Variants in RPS6KC1 observed in about 807,000 individuals in gnomAD.
RPS6KC1 encodes ribosomal protein S6 kinase C1.
RPS6KC1 carries 54 observed loss-of-function variants against 103.8 expected under a neutral mutation model. The ratio of observed to expected loss-of-function variants is 0.52; its 90% CI spans 0.42 to 0.65. The LOEUF (loss-of-function observed/expected upper bound fraction) is 0.65, where lower values mean the gene tolerates loss of function less well. RPS6KC1 is among the 30% of genes least tolerant of loss of function. The pLI, the probability that RPS6KC1 is intolerant of heterozygous loss-of-function variation, is 0.00. For synonymous variants in RPS6KC1, 439 were observed against 438.7 expected, an observed-to-expected ratio of 1.00 and a Z score of -0.01; for missense variants, 1,151 against 1,253.8, an observed-to-expected ratio of 0.92 and a Z score of 1.24.
At chr1:213,523,164 A>AAGGG in the RPS6KC1 span, among the ~76,000 whole-genome samples, 6 of 152,190 alleles carry the variant, frequency 3.9e-5, no homozygotes, top group Non-Finnish European at 8.8e-5. Context: ...GTCCCAAGGA[A>AAGGG]AGGGAGAGAG....
the RPS6KC1 span, among the ~76,000 whole-genome samples, chr1:213,537,653 A>T: frequency 7.2e-5 from 11 of 152,196 alleles, no homozygotes; most frequent in African/African-American, 2.6e-4. Context: ...TTGATATTGT[A>T]GAAGTCATCA....
the RPS6KC1 span, among the ~76,000 whole-genome samples, chr1:213,590,836 C>A: frequency 6.6e-6 from 1 of 152,164 alleles, no homozygotes; most frequent in Non-Finnish European, 1.5e-5. Context: ...AGTGTCCACA[C>A]AGTCTACTCC....
chr1:213,582,088 CTTT>C, the RPS6KC1 span, among the ~76,000 whole-genome samples: 1 of 139,316 alleles, frequency 7.2e-6, no homozygotes. Flanking sequence ...GATCAGGGAC[CTTT>C]TTTTTTTTTT....
At position 213,241,686 on chromosome 1, in the gene RPS6KC1, G is replaced by T. The variant is rs774716131; in HGVS notation, c.2210G>T (p.Ser737Ile). The T allele has an allele frequency of 6.2e-7, 1 of 1,613,898 alleles. No individual in the cohort carries two copies. Among genetic ancestry groups the T allele is most frequent in the Admixed American group, 1.7e-5 (1 of 59,920 alleles). Residue 737 changes from serine to isoleucine, a missense_variant, in exon 11 of 15, where the codon AGT (serine) becomes ATT (isoleucine). Physicochemically the swap from Ser to Ile is moderately radical, Grantham distance 142. Around this residue, in one of 3 missense-constraint regions of RPS6KC1, gnomAD observed 959 missense variants for 1,006.3 expected, o/e 0.95. Coordinates refer to ENST00000366960, the MANE Select transcript of RPS6KC1 (RefSeq NM_012424.6). ...CCTGATGTTTTATGCCTCAGGCTTA[G>T]TACTGAACAATGCCAAGCACATGAG... ...EAPDVLCLRL[S>I]TEQCQAHEEK...
At chr1:213,399,667 G>A in the RPS6KC1 span, among the ~76,000 whole-genome samples, 2 of 151,912 alleles carry the variant, frequency 1.3e-5, no homozygotes, top group Non-Finnish European at 1.5e-5. Context: ...CTCCTCCCCC[G>A]CACCAGACCA....
the RPS6KC1 span, among the ~76,000 whole-genome samples, chr1:213,602,136 T>C: frequency 4.1e-5 from 3 of 73,458 alleles, no homozygotes; most frequent in Non-Finnish European, 7.8e-5. Context: ...CTTTCTTTCT[T>C]TCTTTCTTTC....
At chr1:213,190,480 G>A (rs2092707923) in intron 8 of RPS6KC1, among the ~76,000 whole-genome samples, 2 of 151,990 alleles carry the variant, frequency 1.3e-5, no homozygotes, top group South Asian at 4.1e-4. Flanking sequence ...CACATCCTTT[G>A]TCCATGTTTT....
the RPS6KC1 span, among the ~76,000 whole-genome samples, chr1:213,715,747 T>C: frequency 1.3e-5 from 2 of 152,222 alleles, no homozygotes; most frequent in African/African-American, 4.8e-5. Flanking sequence ...GTTTTCATCA[T>C]TATTGGCATT....
At chr1:213,186,934 G>A (rs767191967) in intron 8 of RPS6KC1, among the ~76,000 whole-genome samples, 1 of 152,098 alleles carries the variant, frequency 6.6e-6, no homozygotes, top group African/African-American at 2.4e-5. Flanking sequence ...TTCAGACAGC[G>A]TCTCACCATA....
the RPS6KC1 span, among the ~76,000 whole-genome samples, chr1:213,508,919 A>G: frequency 6.6e-6 from 1 of 152,170 alleles, no homozygotes; most frequent in South Asian, 2.1e-4. Context: ...AACTCGGTGA[A>G]TTCATGGATA....
At chr1:213,085,258 A>G (rs1296507568) in intron 3 of RPS6KC1, among the ~76,000 whole-genome samples, 1 of 151,972 alleles carries the variant, frequency 6.6e-6, no homozygotes, top group Non-Finnish European at 1.5e-5. Flanking sequence ...CCATCTTCAT[A>G]TTTCCCTCTT....
chr1:213,761,875 C>A, the RPS6KC1 span, among the ~76,000 whole-genome samples: 6 of 152,148 alleles, frequency 3.9e-5, no homozygotes, highest in Admixed American at 1.3e-4. Flanking sequence ...AGGGATGGAA[C>A]CATGTCTGAA....
In RPS6KC1 at chr1:213,242,580, C is replaced by T; in HGVS notation, c.2833C>T (p.Leu945=). The T allele has an allele frequency of 5.0e-6, 8 of 1,612,408 alleles. No individual in the cohort carries two copies. Among genetic ancestry groups the T allele is most frequent in the Non-Finnish European group, 6.8e-6 (8 of 1,178,916 alleles). ...ILLNDRGHIQ[L]TYFSRWSEVE... is the part of the protein sequence containing the mutation. Reference sequence around the variant, plus strand: ...CGTTTTGTTTTTAGGACACATTCAGCTAACGTATTTTAGCAGGTGGAGTGA... The same window carrying T: ...CGTTTTGTTTTTAGGACACATTCAGTTAACGTATTTTAGCAGGTGGAGTGA... Residue 945 remains leucine (L), a synonymous_variant, in exon 12 of 15, where the codon CTA becomes TTA. Coordinates refer to ENST00000366960, the MANE Select transcript of RPS6KC1 (RefSeq NM_012424.6).
chr1:213,326,182 A>G, the RPS6KC1 span, among the ~76,000 whole-genome samples: 2 of 152,196 alleles, frequency 1.3e-5, no homozygotes, highest in Non-Finnish European at 2.9e-5. Context: ...TGTGTTTGTC[A>G]ACAAGATGAA....
At chr1:213,803,430 A>G in the RPS6KC1 span, among the ~76,000 whole-genome samples, 1 of 151,972 alleles carries the variant, frequency 6.6e-6, no homozygotes, top group African/African-American at 2.4e-5. Flanking sequence ...TATTTTTAGT[A>G]GAGATGGGGT....
intron 1 of RPS6KC1, among the ~76,000 whole-genome samples, chr1:213,053,041 A>T (rs540835023): frequency 6.6e-6 from 1 of 152,162 alleles, no homozygotes; most frequent in Non-Finnish European, 1.5e-5. Flanking sequence ...CCCTGCTTGC[A>T]CTTAAGGTTG....
chr1:213,358,242 C>T, the RPS6KC1 span, among the ~76,000 whole-genome samples: 6 of 152,072 alleles, frequency 3.9e-5, no homozygotes, highest in Non-Finnish European at 8.8e-5. Flanking sequence ...TGGTAGAATT[C>T]GGCTGTGAAT....
At chr1:213,862,375 C>G in the RPS6KC1 span, among the ~76,000 whole-genome samples, 16 of 152,276 alleles carry the variant, frequency 1.1e-4, no homozygotes, top group East Asian at 3.1e-3. Flanking sequence ...TGGGTCTCAG[C>G]AGAGGAAAAG....
intron 8 of RPS6KC1, among the ~76,000 whole-genome samples, chr1:213,215,519 T>C (rs2093635667): frequency 6.6e-6 from 1 of 151,852 alleles, no homozygotes; most frequent in Admixed American, 6.6e-5. Flanking sequence ...ATTCAGAAAA[T>C]ACAGAGAATG....
Sources: gnomAD v4.1 joint callset for allele counts (sites outside exome capture counted in the v4.1 genomes callset) on GRCh38, gnomAD v4.1.1 for gene constraint, gnomAD v4.1.1 regional missense constraint, MANE v1.5 for transcripts, NCBI Gene and HGNC (gene_info 2026-07-23, HGNC 2026-07-21) for gene names.